The following DMRTC1 variants were observed in gnomAD, a reference collection of about 807,000 sequenced individuals.
DMRTC1 encodes the protein DMRT like family C1.
For missense variants in DMRTC1, 9 were observed against 34.6 expected (o/e 0.26, Z 1.86); for synonymous variants, 7 against 14.1 (o/e 0.50, Z 1.13).
At chrX:72,873,039 C>CT (rs2054781304) in intron 6 of DMRTC1, among the ~76,000 whole-genome samples, 2 of 7,190 alleles carry the variant, frequency 2.8e-4, no homozygotes, top group South Asian at 7.7e-3. Context: ...CCCCTCCTCT[C>CT]TGGGCACATC....
intron 1 of DMRTC1, among the ~76,000 whole-genome samples, chrX:72,913,676 T>C (rs2054970674): frequency 1.5e-5 from 1 of 64,833 alleles, no homozygotes; most frequent in Non-Finnish European, 2.8e-5. Context: ...CATGCAGGAA[T>C]GAGGACGGAA....
At chrX:72,872,878 C>T (rs1471518201) in intron 6 of DMRTC1, among the ~76,000 whole-genome samples, 2 of 69,395 alleles carry the variant, frequency 2.9e-5, no homozygotes, top group African/African-American at 1.4e-4. Context: ...GATTGGTATC[C>T]TCTCCAGCCT....
chrX:72,913,440 G>A, intron 1 of DMRTC1: 1 of 432,654 alleles, frequency 2.3e-6, no homozygotes, highest in Non-Finnish European at 4.1e-6. Flanking sequence ...CAACACGTCG[G>A]CTGAACTGGG....
chrX:72,916,266 A>T (rs187575710), intron 1 of DMRTC1, among the ~76,000 whole-genome samples: 2 of 109,127 alleles, frequency 1.8e-5, no homozygotes, highest in African/African-American at 7.3e-5. Flanking sequence ...CATCGCCAGC[A>T]CAAGAGGGAG....
At position 72,872,409 on chromosome X, in the gene DMRTC1, AC is replaced by A. The variant is rs2054772560; in HGVS notation, c.*42del. The A allele has an allele frequency of 1.4e-6, 1 of 733,352 alleles. No individual in the cohort carries two copies. The highest frequency in any genetic ancestry group is 3.0e-5 in the African/African-American group (1 of 33,660). 60.4% of individuals were successfully genotyped at this position (733,352 alleles called of 1,213,427 possible). On this transcript the variant is annotated 3_prime_UTR_variant, in exon 7 of 7. Coordinates refer to ENST00000615063, the MANE Select transcript of DMRTC1 (RefSeq NM_033053.3). ...CATTTTGCACATTCAGAAACTGGAT[AC>A]CAAATAGGCAGTGCTCTATTGAGGC...
chrX:72,922,765 GAGTT>G (rs1257156286), intron 1 of DMRTC1, among the ~76,000 whole-genome samples: 11 of 21,371 alleles, frequency 5.1e-4, no homozygotes, highest in Non-Finnish European at 7.9e-4. Flanking sequence ...AAAAAACAAA[GAGTT>G]AGCCTTTTAA....
chrX:72,923,970 T>TA (rs1391679124), intron 1 of DMRTC1, among the ~76,000 whole-genome samples: 1 of 89,168 alleles, frequency 1.1e-5, no homozygotes, highest in Non-Finnish European at 2.2e-5. Flanking sequence ...TCGTGAGACT[T>TA]ATTCACTACC....
At chrX:72,874,738 C>G (rs1474970197) in intron 4 of DMRTC1, 87 bp downstream of exon 4, 1 of 242,623 alleles carries the variant, frequency 4.1e-6, no homozygotes, top group Non-Finnish European at 6.1e-6. Context: ...CTCCTCCTCC[C>G]CCTCTTCCTC....
At chrX:72,905,719 C>T (rs2054926461) in intron 1 of DMRTC1, among the ~76,000 whole-genome samples, 1 of 63,332 alleles carries the variant, frequency 1.6e-5, no homozygotes, top group Admixed American at 2.0e-4. Context: ...CCAGGATGGT[C>T]TCAATCTCCT....
intron 1 of DMRTC1, chrX:72,913,445 A>G: frequency 7.0e-6 from 3 of 430,761 alleles, no homozygotes; most frequent in Non-Finnish European, 1.2e-5. Context: ...CGTCGGCTGA[A>G]CTGGGGGTGG....
At chrX:72,875,036 A>G (rs1383215558) in intron 3 of DMRTC1, 78 bp from the exon 4 acceptor site, 98 of 158,418 alleles carry the variant, frequency 6.2e-4, no homozygotes, top group Admixed American at 1.2e-3. Flanking sequence ...ATGTTTTAGG[A>G]TGAGGATAGG....
intron 1 of DMRTC1, among the ~76,000 whole-genome samples, chrX:72,879,368 TC>T (rs2054829930): frequency 2.6e-5 from 1 of 38,061 alleles, no homozygotes; most frequent in Non-Finnish European, 4.8e-5. Flanking sequence ...TCCCTTCCCT[TC>T]CCTTCCCTTC....
chrX:72,911,785 C>CAA (rs1762351739), intron 1 of DMRTC1, among the ~76,000 whole-genome samples: 1 of 85,100 alleles, frequency 1.2e-5, no homozygotes, highest in Admixed American at 1.4e-4. Flanking sequence ...GACTAGGCAA[C>CAA]AAGGAGCTTT....
At chrX:72,879,147 G>GTTTTTTTTTTTTTT (rs781972795) in intron 1 of DMRTC1, among the ~76,000 whole-genome samples, 1 of 12,799 alleles carries the variant, frequency 7.8e-5, no homozygotes, top group African/African-American at 2.1e-4. Context: ...TTTTTTGTTT[G>GTTTTTTTTTTTTTT]TTTTTTTTTT....
intron 1 of DMRTC1, among the ~76,000 whole-genome samples, chrX:72,916,246 T>C (rs1356290971): frequency 9.2e-6 from 1 of 108,370 alleles, no homozygotes; most frequent in East Asian, 3.0e-4. Flanking sequence ...TGATCACCAT[T>C]CTGAGGTTGC....
At position 72,905,761 on chromosome X, in the gene DMRTC1, G is replaced by A. The variant is rs4281257; in HGVS notation, c.-94-29973C>T. Among the ~76,000 whole-genome samples the A allele has an allele frequency of 0.042, 2,691 of 63,562 alleles. 3 individuals carry two copies. In the East Asian group the frequency reaches 0.43, roughly 10 times the overall value. 55.2% of individuals were successfully genotyped at this position (63,562 alleles called of 115,157 possible). A position where few individuals can be genotyped will look rare whatever the true frequency, so the allele number is the denominator to read the frequency against. ...GTGATCCACCCGCCTCGGCCTCCCAGAGTGCTGGAATTACAGGCGTGAGTC... is the reference window on the plus strand; with the variant it reads ...GTGATCCACCCGCCTCGGCCTCCCAAAGTGCTGGAATTACAGGCGTGAGTC... On this transcript the variant is annotated intron_variant, in intron 1 of 6. Coordinates refer to ENST00000615063, the MANE Select transcript of DMRTC1 (RefSeq NM_033053.3).
intron 6 of DMRTC1, among the ~76,000 whole-genome samples, chrX:72,872,862 C>A: frequency 2.8e-5 from 2 of 71,766 alleles, no homozygotes; most frequent in Non-Finnish European, 4.8e-5. Flanking sequence ...CCTGTCAGAC[C>A]TCTGTGATTG....
chrX:72,905,809 T>C (rs1391034296), intron 1 of DMRTC1, among the ~76,000 whole-genome samples: 5 of 102,604 alleles, frequency 4.9e-5, no homozygotes, highest in African/African-American at 1.9e-4. Flanking sequence ...CTAAATTTAC[T>C]TTTTATCTCC....
At chrX:72,874,717 A>ACCCCCT (rs1745246698) in intron 4 of DMRTC1, 108 bp downstream of exon 4, 11 of 153,558 alleles carry the variant, frequency 7.2e-5, no homozygotes, top group East Asian at 1.0e-3. Flanking sequence ...CTCCCCCTCC[A>ACCCCCT]CCACCTCCTC....
Sources: gnomAD v4.1 joint callset for allele counts (sites outside exome capture counted in the v4.1 genomes callset) on GRCh38, gnomAD v4.1.1 for gene constraint, MANE v1.5 for transcripts, NCBI Gene and HGNC (gene_info 2026-07-23, HGNC 2026-07-21) for gene names.